The following ATG10 variants were observed in gnomAD, a reference collection of about 807,000 sequenced individuals.
The protein encoded by ATG10 is ubiquitin-like-conjugating enzyme ATG10.
Under a neutral mutation model 32.1 loss-of-function variants are expected in ATG10, and 30 were observed. That is an observed-to-expected ratio of 0.94 (90% confidence interval 0.70 to 1.27). The LOEUF (loss-of-function observed/expected upper bound fraction) is 1.27, where lower values mean the gene tolerates loss of function less well. Ranked by LOEUF, ATG10 falls within the 50% of genes most tolerant of loss-of-function variation. The probability of loss-of-function intolerance (pLI) is 0.00; values close to 1 mark genes in which losing one functional copy is unlikely to be tolerated. For missense variants in ATG10, 233 were observed against 262.3 expected, an observed-to-expected ratio of 0.89 and a Z score of 0.77; for synonymous variants, 87 against 91.5, an observed-to-expected ratio of 0.95 and a Z score of 0.28.
At chr5:82,049,610 AT>A (rs1212635909) in intron 2 of ATG10, among the ~76,000 whole-genome samples, 1 of 152,156 alleles carries the variant, frequency 6.6e-6, no homozygotes, top group African/African-American at 2.4e-5. Context: ...CAGTTGTGGC[AT>A]TATTGAATGG....
chr5:82,178,453 G>A, intron 4 of ATG10, 37 bp from the exon 5 acceptor site: 1 of 1,273,314 alleles, frequency 7.9e-7, no homozygotes, highest in Non-Finnish European at 1.1e-6. Context: ...TGTGTCACAT[G>A]AATTACTAAC....
At chr5:82,044,322 C>G (rs969889233) in intron 2 of ATG10, among the ~76,000 whole-genome samples, 8 of 152,080 alleles carry the variant, frequency 5.3e-5, no homozygotes, top group Non-Finnish European at 2.9e-5. Flanking sequence ...AAATCCAACC[C>G]CATGATCCGT....
intron 3 of ATG10, among the ~76,000 whole-genome samples, chr5:82,156,802 T>A (rs1163599062): frequency 6.6e-6 from 1 of 152,248 alleles, no homozygotes; most frequent in South Asian, 2.1e-4. Flanking sequence ...TCTTTTACTT[T>A]TAGATGTATA....
intron 3 of ATG10, among the ~76,000 whole-genome samples, chr5:82,086,805 A>G (rs768798368): frequency 6.6e-6 from 1 of 152,206 alleles, no homozygotes; most frequent in Non-Finnish European, 1.5e-5. Context: ...TAGCTATCAC[A>G]GTGTATAATA....
intron 3 of ATG10, among the ~76,000 whole-genome samples, chr5:82,149,021 A>G (rs1296824726): frequency 1.3e-5 from 2 of 152,076 alleles, no homozygotes; most frequent in Admixed American, 1.3e-4. Flanking sequence ...TTTTTATGCT[A>G]ATGACTCAAA....
At chr5:82,131,779 A>C (rs1281485350) in intron 3 of ATG10, among the ~76,000 whole-genome samples, 1 of 152,148 alleles carries the variant, frequency 6.6e-6, no homozygotes, top group Non-Finnish European at 1.5e-5. Flanking sequence ...ATTGCTATAA[A>C]GAAATGCATG....
intron 2 of ATG10, among the ~76,000 whole-genome samples, chr5:82,020,522 C>T (rs183156332): frequency 5.9e-5 from 9 of 152,246 alleles, no homozygotes; most frequent in South Asian, 2.1e-4. Flanking sequence ...TATTATTTCT[C>T]GGAAGTCTGC....
chr5:82,241,032 T>G lies in ATG10; in HGVS notation c.454-11530T>G, dbSNP rs190137338. On this transcript the variant is annotated intron_variant, in intron 5 of 7. Coordinates refer to ENST00000282185, the MANE Select transcript of ATG10 (RefSeq NM_031482.5). ...TGCATAGCCCACATTGATGGCTGAA[T>G]GAATGAAAAAGATCAATATCCCAAA... is the stretch of plus-strand genomic sequence containing the variant. Among the ~76,000 whole-genome samples, 3 of 152,270 alleles carry G rather than the reference T, an allele frequency of 2.0e-5. No individual in the cohort carries two copies. In the East Asian group the frequency reaches 5.8e-4, roughly 29 times the overall value.
chr5:81,977,551 C>G (rs1001406779), intron 1 of ATG10, among the ~76,000 whole-genome samples: 3 of 152,202 alleles, frequency 2.0e-5, no homozygotes, highest in African/African-American at 2.4e-5. Flanking sequence ...CTTATTTGCC[C>G]ATACTCTTCT....
intron 5 of ATG10, among the ~76,000 whole-genome samples, chr5:82,204,452 T>C (rs1745203870): frequency 6.6e-6 from 1 of 152,204 alleles, no homozygotes; most frequent in South Asian, 2.1e-4. Context: ...CAGACACCTA[T>C]AGTAATTGCG....
At chr5:82,213,963 T>C (rs930848532) in intron 5 of ATG10, among the ~76,000 whole-genome samples, 1 of 152,228 alleles carries the variant, frequency 6.6e-6, no homozygotes, top group Non-Finnish European at 1.5e-5. Flanking sequence ...TATTGTATAC[T>C]AAGGTGACTT....
intron 3 of ATG10, among the ~76,000 whole-genome samples, chr5:82,102,177 A>G (rs1765297687): frequency 6.6e-6 from 1 of 152,230 alleles, no homozygotes; most frequent in South Asian, 2.1e-4. Context: ...TTTGTGGCAC[A>G]TGAAATGTAT....
At chr5:82,138,395 A>G (rs955980556) in intron 3 of ATG10, among the ~76,000 whole-genome samples, 1 of 152,216 alleles carries the variant, frequency 6.6e-6, no homozygotes, top group Admixed American at 6.5e-5. Context: ...TGGGTTATAA[A>G]GACGGTGGGA....
chr5:82,191,325 A>G (rs1401857993), intron 5 of ATG10, among the ~76,000 whole-genome samples: 11 of 152,162 alleles, frequency 7.2e-5, no homozygotes, highest in Admixed American at 7.2e-4. Context: ...AAAGCTGAAC[A>G]TTGTTTCTGC....
chr5:82,156,679 C>T lies in ATG10; in HGVS notation c.217-7720C>T, dbSNP rs563475734. On this transcript the variant is annotated intron_variant, in intron 3 of 7. Transcript: ENST00000282185. ...TAACACTGAAGAGAAACACACTTGA[C>T]CGACTTCTGAAGCTTGATAATTTTT... Among the ~76,000 whole-genome samples the T allele has an allele frequency of 2.1e-4, 32 of 152,274 alleles. No homozygotes were observed. The South Asian group carries it at 5.2e-3, about 25-fold the overall frequency.
chr5:82,048,886 A>T (rs898084066), intron 2 of ATG10, among the ~76,000 whole-genome samples: 74 of 152,308 alleles, frequency 4.9e-4, no homozygotes, highest in African/African-American at 1.7e-3. Context: ...ATCATTAAAA[A>T]GTCAGGAGAC....
At chr5:82,189,958 T>A (rs1744593422) in intron 5 of ATG10, among the ~76,000 whole-genome samples, 1 of 152,152 alleles carries the variant, frequency 6.6e-6, no homozygotes, top group South Asian at 2.1e-4. Context: ...ACTGGATACT[T>A]GCTCCATAGT....
chr5:82,154,082 A>G (rs2149885209), intron 3 of ATG10, among the ~76,000 whole-genome samples: 1 of 152,226 alleles, frequency 6.6e-6, no homozygotes, highest in East Asian at 1.9e-4. Flanking sequence ...ATTTCTGTAC[A>G]GCTCACAAGC....
intron 1 of ATG10, among the ~76,000 whole-genome samples, chr5:81,974,935 CT>C (rs1279416460): frequency 6.6e-6 from 1 of 152,146 alleles, no homozygotes; most frequent in Non-Finnish European, 1.5e-5. Flanking sequence ...CTATTTCTTT[CT>C]TTCTATATCC....
Sources: allele counts gnomAD v4.1 joint callset (sites outside exome capture counted in the v4.1 genomes callset), GRCh38; gene constraint gnomAD v4.1.1; transcripts MANE v1.5; gene names NCBI Gene and HGNC (gene_info 2026-07-23, HGNC 2026-07-21).